The following SPOCK1 variants were observed in gnomAD, a reference collection of about 807,000 sequenced individuals.
SPOCK1 encodes SPARC (osteonectin), cwcv and kazal like domains proteoglycan 1, also known as testican-1.
Under a neutral mutation model 55.3 loss-of-function variants are expected in SPOCK1, and 23 were observed. The ratio of observed to expected loss-of-function variants is 0.42; its 90% CI spans 0.30 to 0.59. The LOEUF is 0.59. SPOCK1 is among the 20% of genes least tolerant of loss of function. The pLI, the probability that SPOCK1 is intolerant of heterozygous loss-of-function variation, is 0.22. For synonymous variants in SPOCK1, 226 were observed against 221.0 expected (o/e 1.02, Z -0.20); for missense variants, 499 against 552.5 (o/e 0.90, Z 0.97).
intron 2 of SPOCK1, among the ~76,000 whole-genome samples, chr5:137,345,882 TACTGCAGGCACTCCAGCAGAC>T (rs1750545219): frequency 1.3e-5 from 2 of 152,196 alleles, no homozygotes; most frequent in African/African-American, 2.4e-5. Context: ...GTCTCAGCAT[TACTGCAGGCACTCCAGCAGAC>T]ACTGCAGGCA....
intron 2 of SPOCK1, among the ~76,000 whole-genome samples, chr5:137,361,494 T>G (rs1750943646): frequency 6.6e-6 from 1 of 152,112 alleles, no homozygotes; most frequent in South Asian, 2.1e-4. Flanking sequence ...TAGATAAAAA[T>G]TATGGTTTTA....
intron 4 of SPOCK1, among the ~76,000 whole-genome samples, chr5:137,136,537 A>G (rs1034987560): frequency 1.2e-4 from 19 of 152,212 alleles, no homozygotes; most frequent in Non-Finnish European, 2.4e-4. Context: ...CAATAGACAA[A>G]ACCCATGATT....
chr5:137,187,969 T>C (rs1041100325), intron 3 of SPOCK1, among the ~76,000 whole-genome samples: 7 of 152,216 alleles, frequency 4.6e-5, no homozygotes, highest in African/African-American at 1.7e-4. Context: ...CGGGAGTTTT[T>C]AGAAGGTTAT....
At position 137,359,978 on chromosome 5, in the gene SPOCK1, A is replaced by G. The variant is rs537056888; in HGVS notation, c.187-92923T>C. ...ATCCCCACAAGGGTGTCCCTGACCAATTCCATCTCCTGATCACCCAAGTAA... is the reference window on the plus strand; with the variant it reads ...ATCCCCACAAGGGTGTCCCTGACCAGTTCCATCTCCTGATCACCCAAGTAA... On this transcript the variant is annotated intron_variant, in intron 2 of 10. Transcript: ENST00000394945. 4.7e-4 allele frequency among the ~76,000 whole-genome samples: 72 copies of G among 152,296 alleles called. 1 individual carries two copies. The South Asian group carries it at 0.015, about 31-fold the overall frequency.
chr5:137,344,574 T>C (rs185367843), intron 2 of SPOCK1, among the ~76,000 whole-genome samples: 188 of 152,286 alleles, frequency 1.2e-3, no homozygotes, highest in Non-Finnish European at 2.2e-3. Flanking sequence ...GCGGTGCCAC[T>C]GACATTTAGT....
chr5:137,051,256 C>T (rs1414138912), intron 6 of SPOCK1, among the ~76,000 whole-genome samples: 6 of 152,152 alleles, frequency 3.9e-5, no homozygotes, highest in Non-Finnish European at 5.9e-5. Flanking sequence ...TTTCCAACTA[C>T]GAGTTGCAAT....
chr5:137,017,668 G>T (rs73790640), intron 6 of SPOCK1, among the ~76,000 whole-genome samples: 7,280 of 152,124 alleles, frequency 0.048, 216 homozygotes, highest in South Asian at 0.12. Context: ...GTTGCAAAAA[G>T]TTAAAACTCC....
chr5:137,363,015 G>C (rs1452940124), intron 2 of SPOCK1, among the ~76,000 whole-genome samples: 2 of 152,230 alleles, frequency 1.3e-5, no homozygotes, highest in Non-Finnish European at 2.9e-5. Context: ...ACTTTTTCAT[G>C]AGGTTATTCA....
At chr5:136,988,809 G>GT (rs1561572167) in intron 7 of SPOCK1, 166 bp from the exon 8 acceptor site, 7 of 554,712 alleles carry the variant, frequency 1.3e-5, no homozygotes, top group African/African-American at 3.8e-5. Flanking sequence ...AATATTTTGT[G>GT]TTTTTTTGTT....
intron 6 of SPOCK1, among the ~76,000 whole-genome samples, chr5:137,058,385 CAT>C (rs1752337938): frequency 6.6e-6 from 1 of 152,172 alleles, no homozygotes; most frequent in African/African-American, 2.4e-5. Context: ...GGGGATTAAA[CAT>C]ATGTATAAAG....
At chr5:137,302,930 A>C (rs1757630844) in intron 2 of SPOCK1, among the ~76,000 whole-genome samples, 1 of 152,076 alleles carries the variant, frequency 6.6e-6, no homozygotes, top group Non-Finnish European at 1.5e-5. Flanking sequence ...CAAAGTAGGG[A>C]CTCAATACAT....
intron 2 of SPOCK1, among the ~76,000 whole-genome samples, chr5:137,423,463 C>T (rs937186795): frequency 1.3e-4 from 20 of 152,236 alleles, no homozygotes; most frequent in Admixed American, 1.3e-3. Flanking sequence ...CTTTGTTTAC[C>T]TACTCAAGCC....
chr5:137,332,098 C>T (rs2127151827), intron 2 of SPOCK1, among the ~76,000 whole-genome samples: 2 of 152,206 alleles, frequency 1.3e-5, no homozygotes, highest in Non-Finnish European at 2.9e-5. Flanking sequence ...CTTCTTTTCC[C>T]CTCTCTGGCC....
At chr5:137,447,807 C>T (rs1753161210) in intron 2 of SPOCK1, among the ~76,000 whole-genome samples, 1 of 152,170 alleles carries the variant, frequency 6.6e-6, no homozygotes, top group Non-Finnish European at 1.5e-5. Flanking sequence ...TTTAATCCAC[C>T]TCTATAAAGC....
intron 2 of SPOCK1, among the ~76,000 whole-genome samples, chr5:137,369,183 G>A (rs1471567734): frequency 6.6e-6 from 1 of 152,228 alleles, no homozygotes; most frequent in African/African-American, 2.4e-5. Flanking sequence ...CTTGATGGGT[G>A]GGTGGGTGTC....
At chr5:137,077,100 A>G (rs1299446719) in intron 5 of SPOCK1, among the ~76,000 whole-genome samples, 1 of 151,964 alleles carries the variant, frequency 6.6e-6, no homozygotes, top group Admixed American at 6.6e-5. Flanking sequence ...ATTTTTTTGT[A>G]TTTTTAGTAG....
At chr5:137,243,416 G>T (rs1387207964) in intron 3 of SPOCK1, among the ~76,000 whole-genome samples, 2 of 152,048 alleles carry the variant, frequency 1.3e-5, no homozygotes, top group Non-Finnish European at 2.9e-5. Context: ...TAAGACCAAA[G>T]ACATCATCGA....
At chr5:137,315,702 A>T (rs1433210647) in intron 2 of SPOCK1, among the ~76,000 whole-genome samples, 1 of 152,190 alleles carries the variant, frequency 6.6e-6, no homozygotes, top group Non-Finnish European at 1.5e-5. Context: ...GACTAGGCAC[A>T]GTGTCTGTCT....
At chr5:137,244,407 G>GA (rs148369431) in intron 3 of SPOCK1, among the ~76,000 whole-genome samples, 10,261 of 152,152 alleles carry the variant, frequency 0.067, 1,058 homozygotes, top group African/African-American at 0.23. Context: ...TATTTAGGAA[G>GA]AAAACACATA....
Sources: gnomAD v4.1 joint callset for allele counts (sites outside exome capture counted in the v4.1 genomes callset) on GRCh38, gnomAD v4.1.1 for gene constraint, MANE v1.5 for transcripts, NCBI Gene and HGNC (gene_info 2026-07-23, HGNC 2026-07-21) for gene names.